Variants in POLA1 observed in about 807,000 individuals in gnomAD.
POLA1 encodes the protein DNA polymerase alpha 1, catalytic subunit.
Under a neutral mutation model 124.0 loss-of-function variants are expected in POLA1, and 15 were observed. The observed-to-expected ratio is 0.12, with a 90% confidence interval of 0.08 to 0.19. The LOEUF is 0.19. POLA1 is among the 10% of genes least tolerant of loss of function. The pLI, the probability that POLA1 is intolerant of heterozygous loss-of-function variation, is 1.00. For synonymous variants in POLA1, 408 were observed against 389.4 expected (o/e 1.05, Z -0.56); for missense variants, 886 against 1,103.4 (o/e 0.80, Z 2.79).
chrX:24,717,631 T>C lies in POLA1; in HGVS notation c.960T>C (p.Asp320=). Residue 320 remains aspartate, a synonymous_variant, in exon 10 of 37, where the codon GAT becomes GAC. Transcript: ENST00000379068. The part of the protein sequence containing the change: ...VSCWDIDQEG[D]SSFSVQEVQV... ...GTTGGGACATTGATCAAGAAGGTGA[T>C]AGCAGTTTCTCAGTGCAAGAAGTTC... The C allele has an allele frequency of 8.3e-7, 1 of 1,208,903 alleles. No homozygotes were observed. The highest frequency in any genetic ancestry group is 1.1e-6 in the Non-Finnish European group (1 of 892,889).
intron 26 of POLA1, among the ~76,000 whole-genome samples, chrX:24,803,341 TA>T (rs1390675758): frequency 1.8e-5 from 2 of 111,286 alleles, no homozygotes; most frequent in Non-Finnish European, 3.8e-5. Context: ...ATCTAGTGGG[TA>T]GGGGCTAGGG....
intron 35 of POLA1, among the ~76,000 whole-genome samples, chrX:24,907,875 G>C (rs2047390408): frequency 8.9e-6 from 1 of 111,926 alleles, no homozygotes. Flanking sequence ...AAAAATCATA[G>C]CATTGTCTGA....
intron 36 of POLA1, among the ~76,000 whole-genome samples, chrX:24,993,835 A>G (rs371377317): frequency 1.1e-4 from 12 of 112,068 alleles, no homozygotes; most frequent in African/African-American, 3.9e-4. Flanking sequence ...TTGACTGGCT[A>G]TGGGATATGC....
chrX:24,774,931 T>C (rs1240343139), intron 26 of POLA1, among the ~76,000 whole-genome samples: 2 of 112,442 alleles, frequency 1.8e-5, no homozygotes, highest in Non-Finnish European at 3.8e-5. Flanking sequence ...TGAAACTTGG[T>C]ATTATCTTGA....
At chrX:24,736,500 G>A (rs1391883327) in intron 18 of POLA1, among the ~76,000 whole-genome samples, 2 of 111,850 alleles carry the variant, frequency 1.8e-5, no homozygotes, top group Non-Finnish European at 3.8e-5. Context: ...GGCTTCAGGT[G>A]TTAGAGCCAA....
intron 26 of POLA1, among the ~76,000 whole-genome samples, chrX:24,763,176 C>T (rs888072524): frequency 9.0e-6 from 1 of 111,648 alleles, no homozygotes; most frequent in African/African-American, 3.3e-5. Context: ...AATAGAATTC[C>T]AGGCAAGTGA....
intron 34 of POLA1, among the ~76,000 whole-genome samples, chrX:24,861,043 A>G (rs2046708801): frequency 1.8e-5 from 2 of 112,517 alleles, no homozygotes; most frequent in South Asian, 7.3e-4. Context: ...TGCCAGGACC[A>G]TGTCTTCTTG....
chrX:24,774,159 C>T (rs769045862), intron 26 of POLA1, among the ~76,000 whole-genome samples: 10 of 111,582 alleles, frequency 9.0e-5, no homozygotes, highest in East Asian at 5.7e-4. Flanking sequence ...TAAGGCCCCA[C>T]GAGTACATCT....
chrX:24,831,718 G>T (rs1020362659), intron 32 of POLA1, among the ~76,000 whole-genome samples: 6 of 112,278 alleles, frequency 5.3e-5, no homozygotes, highest in African/African-American at 1.9e-4. Flanking sequence ...ACTGCTCCTG[G>T]CCCCAAACTG....
chrX:24,757,840 T>C (rs998339824), intron 26 of POLA1, among the ~76,000 whole-genome samples: 1 of 111,722 alleles, frequency 9.0e-6, no homozygotes, highest in Non-Finnish European at 1.9e-5. Context: ...TCCAGTATAA[T>C]GTAAATATTC....
intron 26 of POLA1, among the ~76,000 whole-genome samples, chrX:24,785,777 A>T (rs1382056176): frequency 8.9e-6 from 1 of 111,981 alleles, no homozygotes; most frequent in African/African-American, 3.2e-5. Context: ...CACGTCCATC[A>T]CTATGCATGC....
intron 35 of POLA1, among the ~76,000 whole-genome samples, chrX:24,896,580 A>G (rs970140143): frequency 7.1e-5 from 8 of 112,006 alleles, no homozygotes; most frequent in Non-Finnish European, 1.1e-4. Flanking sequence ...TCTTCTTCCA[A>G]TATGGCTCAG....
chrX:24,765,274 G>T (rs778720045), intron 26 of POLA1, among the ~76,000 whole-genome samples: 1 of 107,552 alleles, frequency 9.3e-6, no homozygotes, highest in East Asian at 2.9e-4. Flanking sequence ...CTTCTTGTGT[G>T]TGCGTGGTGT....
intron 36 of POLA1, among the ~76,000 whole-genome samples, chrX:24,948,463 T>A (rs763110082): frequency 3.6e-5 from 4 of 111,391 alleles, no homozygotes; most frequent in Non-Finnish European, 5.6e-5. Flanking sequence ...TAGTTTGAAC[T>A]GTAAGTGGTA....
intron 35 of POLA1, among the ~76,000 whole-genome samples, chrX:24,909,155 A>G (rs2047409081): frequency 8.9e-6 from 1 of 111,913 alleles, no homozygotes; most frequent in Non-Finnish European, 1.9e-5. Flanking sequence ...AGATGAGTAG[A>G]TTGCAAAAAT....
At chrX:24,903,442 A>G (rs1054304336) in intron 35 of POLA1, among the ~76,000 whole-genome samples, 1 of 112,423 alleles carries the variant, frequency 8.9e-6, no homozygotes, top group Non-Finnish European at 1.9e-5. Flanking sequence ...GTCTATCTCC[A>G]GCATCCTGGT....
intron 36 of POLA1, among the ~76,000 whole-genome samples, chrX:24,935,614 C>T (rs1336624429): frequency 8.9e-6 from 1 of 112,972 alleles, no homozygotes; most frequent in East Asian, 2.8e-4. Context: ...CACTTCCCCT[C>T]TTGAGCCTCA....
chrX:24,841,714 C>T lies in POLA1; in HGVS notation c.3799C>T (p.Leu1267Phe). Residue 1267 changes from leucine to phenylalanine, a missense_variant, in exon 33 of 37, where the codon CTT (leucine) becomes TTT (phenylalanine). This residue lies in a region of POLA1 where 313 missense variants were observed against 359.7 expected (regional missense o/e 0.87). Transcript: ENST00000379068. Reference sequence around the variant, plus strand: ...TAAAGATGAAGAGAATGATGCTCTACTTGGTGGCCCAGCACAGCTCACTGA... The same window carrying T: ...TAAAGATGAAGAGAATGATGCTCTATTTGGTGGCCCAGCACAGCTCACTGA... The part of the protein sequence containing the change: ...YHKDEENDAL[L>F]GGPAQLTDEE... 3 of 1,188,870 alleles carry T rather than the reference C, an allele frequency of 2.5e-6. No individual in the cohort carries two copies. Among genetic ancestry groups the T allele is most frequent in the Non-Finnish European group, 3.4e-6 (3 of 877,502 alleles).
intron 36 of POLA1, among the ~76,000 whole-genome samples, chrX:24,972,011 C>G (rs2048308907): frequency 9.7e-6 from 1 of 103,330 alleles, no homozygotes; most frequent in African/African-American, 3.7e-5. Context: ...TCTTATCACC[C>G]AGGCTGGAGT....
Sources: allele counts gnomAD v4.1 joint callset (sites outside exome capture counted in the v4.1 genomes callset), GRCh38; gene constraint gnomAD v4.1.1; regional missense constraint gnomAD v4.1.1; transcripts MANE v1.5; gene names NCBI Gene and HGNC (gene_info 2026-07-23, HGNC 2026-07-21).